Variants in PDE11A observed in about 807,000 individuals in gnomAD.
PDE11A encodes phosphodiesterase 11A, also known as dual 3',5'-cyclic-AMP and -GMP phosphodiesterase 11A.
Under a neutral mutation model 100.5 loss-of-function variants are expected in PDE11A, and 100 were observed. The observed-to-expected ratio is 1.00, with a 90% CI of 0.85 to 1.18. The LOEUF (loss-of-function observed/expected upper bound fraction) is 1.18, where lower values mean the gene tolerates loss of function less well. Among genes scored for constraint, PDE11A ranks in the 50% most tolerant of loss-of-function variants. The pLI is 0.00. For missense variants in PDE11A, 1,141 were observed against 1,152.6 expected, an observed-to-expected ratio of 0.99 and a Z score of 0.15; for synonymous variants, 381 against 420.8, an observed-to-expected ratio of 0.91 and a Z score of 1.16.
upstream of PDE11A, among the ~76,000 whole-genome samples, chr2:178,074,360 GGTAT>G (rs2087180419): frequency 6.6e-6 from 1 of 152,052 alleles, no homozygotes; most frequent in Non-Finnish European, 1.5e-5. Context: ...TGAATCGTAT[GGTAT>G]GTAAGTTATA....
At chr2:177,718,787 G>A (rs73028333) in intron 12 of PDE11A, among the ~76,000 whole-genome samples, 1,670 of 152,172 alleles carry the variant, frequency 0.011, 31 homozygotes, top group African/African-American at 0.038. Flanking sequence ...ATTTATACAC[G>A]TGTATGTATA....
chr2:177,706,013 G>T (rs1448149082), intron 13 of PDE11A, among the ~76,000 whole-genome samples: 2 of 152,218 alleles, frequency 1.3e-5, no homozygotes, highest in African/African-American at 4.8e-5. Flanking sequence ...GGGGAGAGGT[G>T]TGAACAGAGC....
chr2:178,067,851 G>T (rs2087068732), intron 1 of PDE11A, among the ~76,000 whole-genome samples: 1 of 152,134 alleles, frequency 6.6e-6, no homozygotes, highest in Non-Finnish European at 1.5e-5. Context: ...ATGAATAAAT[G>T]AAGCTGTTGT....
intron 2 of PDE11A, among the ~76,000 whole-genome samples, chr2:178,102,130 A>AT (rs201019394): frequency 0.042 from 6,146 of 145,094 alleles, 185 homozygotes; most frequent in Middle Eastern, 0.15. Context: ...CATCTGTCTA[A>AT]TTTTTTTTTT....
chr2:177,969,124 T>C (rs2085736457), intron 2 of PDE11A, among the ~76,000 whole-genome samples: 1 of 152,186 alleles, frequency 6.6e-6, no homozygotes, highest in African/African-American at 2.4e-5. Context: ...TGCAGGGACA[T>C]GAATGAAGCT....
intron 5 of PDE11A, among the ~76,000 whole-genome samples, chr2:177,855,832 G>A (rs1015428297): frequency 6.6e-6 from 1 of 151,278 alleles, no homozygotes; most frequent in South Asian, 2.1e-4. Context: ...AATGAGATAA[G>A]CTTGGGAATG....
At chr2:177,758,714 A>C (rs1236906140) in intron 10 of PDE11A, among the ~76,000 whole-genome samples, 1 of 152,168 alleles carries the variant, frequency 6.6e-6, no homozygotes, top group East Asian at 1.9e-4. Context: ...CACCTCATCA[A>C]CAATCCCCAG....
At position 177,636,203 on chromosome 2, in the gene PDE11A, G is replaced by T. The variant is rs1231061020; in HGVS notation, c.2647-6641C>A. Among the ~76,000 whole-genome samples, 3 of 152,154 alleles carry T rather than the reference G, an allele frequency of 2.0e-5. No homozygotes were observed. In the East Asian group the frequency reaches 5.8e-4, roughly 29 times the overall value. On this transcript the variant is annotated intron_variant, in intron 19 of 19. Coordinates refer to ENST00000286063, the MANE Select transcript of PDE11A (RefSeq NM_016953.4). ...ACTGTTTAGATTAAGGCCTTGGAAA[G>T]ATAGTGTGAGGGTGGGTAGAGCTAA...
chr2:177,681,114 G>C (rs2080855675), intron 15 of PDE11A, among the ~76,000 whole-genome samples: 1 of 152,162 alleles, frequency 6.6e-6, no homozygotes, highest in Non-Finnish European at 1.5e-5. Flanking sequence ...AATCATTTCT[G>C]AATGTATTTA....
intron 2 of PDE11A, among the ~76,000 whole-genome samples, chr2:177,962,603 G>A (rs1174872044): frequency 2.0e-5 from 3 of 152,070 alleles, no homozygotes; most frequent in African/African-American, 4.8e-5. Context: ...TAACTGATGT[G>A]CCTTGCTTTA....
intron 2 of PDE11A, among the ~76,000 whole-genome samples, chr2:177,952,792 A>C (rs2085520051): frequency 6.6e-6 from 1 of 151,810 alleles, no homozygotes; most frequent in Non-Finnish European, 1.5e-5. Context: ...GTTCGCCCCC[A>C]CTCTGTACAT....
intron 2 of PDE11A, among the ~76,000 whole-genome samples, chr2:178,083,947 A>G (rs1177693564): frequency 6.6e-6 from 1 of 152,264 alleles, no homozygotes; most frequent in Non-Finnish European, 1.5e-5. Flanking sequence ...TCCATTCCCA[A>G]GAAACACATA....
At chr2:177,887,491 C>T (rs969428958) in intron 4 of PDE11A, among the ~76,000 whole-genome samples, 5 of 151,946 alleles carry the variant, frequency 3.3e-5, no homozygotes, top group East Asian at 3.9e-4. Flanking sequence ...CAGCTGGGTG[C>T]GGTGGCTCAT....
At chr2:177,985,776 A>G (rs970461353) in intron 2 of PDE11A, among the ~76,000 whole-genome samples, 1 of 152,242 alleles carries the variant, frequency 6.6e-6, no homozygotes, top group African/African-American at 2.4e-5. Flanking sequence ...GATACAGTAC[A>G]AAGACAAAAA....
intron 2 of PDE11A, among the ~76,000 whole-genome samples, chr2:177,910,727 T>C (rs2084868128): frequency 6.6e-6 from 1 of 152,222 alleles, no homozygotes; most frequent in Non-Finnish European, 1.5e-5. Flanking sequence ...AAAGTCACTT[T>C]AGCCCTGGAA....
intron 2 of PDE11A, among the ~76,000 whole-genome samples, chr2:177,922,408 T>C (rs12693130): frequency 0.086 from 13,037 of 151,992 alleles, 519 homozygotes; most frequent in South Asian, 0.099. Context: ...GCACATTGTG[T>C]ACAGGTACCC....
intron 2 of PDE11A, among the ~76,000 whole-genome samples, chr2:178,080,442 G>T (rs2087270138): frequency 6.6e-6 from 1 of 152,164 alleles, no homozygotes; most frequent in Non-Finnish European, 1.5e-5. Flanking sequence ...GTTTGTCAAA[G>T]ATCAGATGGT....
At chr2:178,063,419 C>T (rs1346892308) in intron 1 of PDE11A, among the ~76,000 whole-genome samples, 1 of 152,100 alleles carries the variant, frequency 6.6e-6, no homozygotes, top group Non-Finnish European at 1.5e-5. Context: ...AGTTCATACT[C>T]ACAGACCCTA....
intron 15 of PDE11A, among the ~76,000 whole-genome samples, chr2:177,693,339 A>G (rs2081068311): frequency 6.6e-6 from 1 of 152,156 alleles, no homozygotes; most frequent in Non-Finnish European, 1.5e-5. Context: ...ACAGATCAAC[A>G]TTTGGTTGAT....
Sources: allele counts gnomAD v4.1 joint callset (sites outside exome capture counted in the v4.1 genomes callset), GRCh38; gene constraint gnomAD v4.1.1; transcripts MANE v1.5; gene names NCBI Gene and HGNC (gene_info 2026-07-23, HGNC 2026-07-21).